Variants in CLCN3 observed in about 807,000 individuals in gnomAD.
CLCN3 encodes the protein H(+)/Cl(-) exchange transporter 3.
In CLCN3, 16 loss-of-function variants were observed where a neutral mutation model predicts 83.4. The ratio of observed to expected loss-of-function variants is 0.19; its 90% CI spans 0.13 to 0.29. CLCN3 has a LOEUF of 0.29. Ranked by LOEUF, CLCN3 falls within the 10% of genes least tolerant of loss-of-function variation. CLCN3 has a pLI of 1.00. For missense variants in CLCN3, 544 were observed against 1,006.0 expected (o/e 0.54, Z 6.21); for synonymous variants, 322 against 346.2 (o/e 0.93, Z 0.78).
Position 169,692,269 on chromosome 4 carries a change from C to T in CLCN3, c.885C>T (p.Ile295=). The change falls in exon 7 of 13, where the codon ATC becomes ATT. Residue 295 remains isoleucine, a synonymous_variant. Transcript: ENST00000513761. The part of the protein sequence containing the change: ...LVHVACCCGN[I]FSYLFPKYST... The stretch of plus-strand genomic sequence containing the variant: ...ATGTTGCCTGTTGCTGCGGAAATAT[C>T]TTTTCCTACCTCTTTCCAAAGTATA... The T allele has an allele frequency of 3.7e-6, 6 of 1,613,594 alleles. No homozygotes were observed. In the South Asian group the frequency reaches 5.5e-5, roughly 15 times the overall value.
chr4:169,656,269 C>T (rs113202729), intron 2 of CLCN3, among the ~76,000 whole-genome samples: 3,031 of 152,172 alleles, frequency 0.02, 39 homozygotes, highest in Non-Finnish European at 0.03. Flanking sequence ...ACGCTGTACG[C>T]GAAGCATAGC....
At chr4:169,703,664 C>CTTTTT (rs112073521) in intron 9 of CLCN3, among the ~76,000 whole-genome samples, 5 of 142,376 alleles carry the variant, frequency 3.5e-5, no homozygotes, top group Non-Finnish European at 3.1e-5. Context: ...GCATATTGTC[C>CTTTTT]TTTTTTTTTT....
intron 2 of CLCN3, among the ~76,000 whole-genome samples, chr4:169,647,245 C>T (rs1382983650): frequency 6.6e-6 from 1 of 152,054 alleles, no homozygotes; most frequent in Non-Finnish European, 1.5e-5. Flanking sequence ...GAAAAATTAG[C>T]TGGACATGGT....
chr4:169,660,624 C>T (rs146900659), intron 2 of CLCN3, among the ~76,000 whole-genome samples: 146 of 152,290 alleles, frequency 9.6e-4, no homozygotes, highest in Non-Finnish European at 1.6e-3. Context: ...GTAGCCATCC[C>T]TGATTGTTTT....
intron 2 of CLCN3, among the ~76,000 whole-genome samples, chr4:169,642,115 G>A (rs1730430893): frequency 6.6e-6 from 1 of 151,440 alleles, no homozygotes; most frequent in African/African-American, 2.4e-5. Context: ...AAAATGTTTT[G>A]TAGAGATGGG....
intron 2 of CLCN3, among the ~76,000 whole-genome samples, chr4:169,676,954 A>G (rs985863002): frequency 6.6e-6 from 1 of 152,036 alleles, no homozygotes; most frequent in Non-Finnish European, 1.5e-5. Flanking sequence ...TCATATTACA[A>G]TTTAAAATTC....
intron 2 of CLCN3, chr4:169,660,399 T>C: frequency 7.1e-7 from 1 of 1,405,176 alleles, no homozygotes; most frequent in Non-Finnish European, 9.2e-7. Context: ...CTTATTTGCC[T>C]TATGACGGGG....
At chr4:169,712,956 T>C (rs769032487) in intron 11 of CLCN3, 123 bp from the exon 12 acceptor site, 94 of 674,974 alleles carry the variant, frequency 1.4e-4, no homozygotes, top group Non-Finnish European at 2.0e-4. Flanking sequence ...AAGGAGAAGA[T>C]AGGAAAAAAT....
At chr4:169,652,265 G>A (rs1411384391) in intron 2 of CLCN3, among the ~76,000 whole-genome samples, 2 of 151,948 alleles carry the variant, frequency 1.3e-5, no homozygotes, top group Non-Finnish European at 2.9e-5. Flanking sequence ...TTACTTTGTG[G>A]TTTGCTCATC....
chr4:169,695,404 AATGC>A (rs1245453158), intron 7 of CLCN3, among the ~76,000 whole-genome samples: 1 of 152,208 alleles, frequency 6.6e-6, no homozygotes, highest in Non-Finnish European at 1.5e-5. Context: ...CTGAATGGTA[AATGC>A]ATGACTGACC....
intron 2 of CLCN3, among the ~76,000 whole-genome samples, chr4:169,678,531 A>G (rs1267758452): frequency 2.0e-5 from 3 of 152,128 alleles, no homozygotes; most frequent in Non-Finnish European, 4.4e-5. Context: ...ATGTGAACAA[A>G]GGTCTCTGGT....
In CLCN3 at chr4:169,706,016, A is replaced by G. The variant is rs540922460; in HGVS notation, c.1751-852A>G. 9.9e-4 allele frequency among the ~76,000 whole-genome samples: 151 copies of G among 152,074 alleles called. 1 individual carries two copies. Among genetic ancestry groups the G allele is most frequent in the African/African-American group, 3.5e-3 (145 of 41,512 alleles). On this transcript the variant is annotated intron_variant, in intron 10 of 12. Transcript: ENST00000513761. ...CCCCAAATCCTAAAAAATACAAAGT[A>G]AAAAAGGAATAAAGTCATGAGGGCT... is the stretch of plus-strand genomic sequence containing the variant.
At chr4:169,719,314 G>C (rs1733544806) in intron 12 of CLCN3, among the ~76,000 whole-genome samples, 1 of 152,082 alleles carries the variant, frequency 6.6e-6, no homozygotes, top group Admixed American at 6.6e-5. Context: ...AAAATAATTG[G>C]GGCATGGTGG....
At chr4:169,657,764 T>A (rs1730929026) in intron 2 of CLCN3, among the ~76,000 whole-genome samples, 2 of 152,160 alleles carry the variant, frequency 1.3e-5, no homozygotes, top group African/African-American at 4.8e-5. Flanking sequence ...TGATTTTGGT[T>A]CTTTAGAATT....
At chr4:169,654,289 C>T (rs566279119) in intron 2 of CLCN3, among the ~76,000 whole-genome samples, 1 of 152,016 alleles carries the variant, frequency 6.6e-6, no homozygotes, top group South Asian at 2.1e-4. Context: ...TCTCCCCTTG[C>T]CCTCCCCCAT....
intron 12 of CLCN3, among the ~76,000 whole-genome samples, chr4:169,715,185 T>C (rs1733377653): frequency 1.3e-5 from 2 of 152,136 alleles, no homozygotes; most frequent in Admixed American, 1.3e-4. Context: ...AGTTTGTTGA[T>C]TAATTCCCAG....
chr4:169,630,819 G>A (rs112894450), intron 1 of CLCN3, among the ~76,000 whole-genome samples: 6,724 of 152,244 alleles, frequency 0.044, 139 homozygotes, highest in Non-Finnish European at 0.051. Flanking sequence ...GTGAGCCACC[G>A]CACCCAGCCT....
chr4:169,706,034 T>G (rs1474440807), intron 10 of CLCN3, among the ~76,000 whole-genome samples: 1 of 150,976 alleles, frequency 6.6e-6, no homozygotes, highest in Non-Finnish European at 1.5e-5. Context: ...AATAAAGTCA[T>G]GAGGGCTTGG....
intron 2 of CLCN3, among the ~76,000 whole-genome samples, chr4:169,677,360 A>G (rs192058078): frequency 6.6e-6 from 1 of 152,342 alleles, no homozygotes; most frequent in Admixed American, 6.5e-5. Context: ...AAGTTTTATC[A>G]GAACACATTC....
Sources: allele counts gnomAD v4.1 joint callset (sites outside exome capture counted in the v4.1 genomes callset), GRCh38; gene constraint gnomAD v4.1.1; transcripts MANE v1.5; gene names NCBI Gene and HGNC (gene_info 2026-07-23, HGNC 2026-07-21).